Variants in KIF27 observed in about 807,000 individuals in gnomAD.
KIF27 encodes kinesin-like protein KIF27.
In KIF27, 84 loss-of-function variants were observed where a neutral mutation model predicts 141.8. That is an observed-to-expected ratio of 0.59 (90% CI 0.50 to 0.71). The LOEUF (loss-of-function observed/expected upper bound fraction) is 0.71, where lower values mean the gene tolerates loss of function less well. KIF27 is among the 30% of genes least tolerant of loss of function. KIF27 has a pLI of 0.00. For synonymous variants in KIF27, 471 were observed against 569.5 expected, an observed-to-expected ratio of 0.83 and a Z score of 2.46; for missense variants, 1,306 against 1,628.4, an observed-to-expected ratio of 0.80 and a Z score of 3.41.
At chr9:83,837,918 T>G (rs573436304) in intron 17 of KIF27, 1 of 161,308 alleles carries the variant, frequency 6.2e-6, no homozygotes, top group South Asian at 1.8e-4. Context: ...GCATTATATG[T>G]GTGGGAATCT....
chr9:83,862,975 T>C (rs1374357988), intron 13 of KIF27, among the ~76,000 whole-genome samples: 2 of 152,212 alleles, frequency 1.3e-5, no homozygotes, highest in Admixed American at 1.3e-4. Context: ...GGCTCTCTGT[T>C]TGTCTGTTAT....
At chr9:83,904,763 CG>C (rs926978366) in intron 3 of KIF27, among the ~76,000 whole-genome samples, 26 of 151,234 alleles carry the variant, frequency 1.7e-4, no homozygotes, top group Admixed American at 6.6e-4. Flanking sequence ...AAAAGGCATT[CG>C]TTTTTTTTTT....
intron 5 of KIF27, among the ~76,000 whole-genome samples, chr9:83,897,469 G>A (rs1257457728): frequency 6.6e-6 from 1 of 152,118 alleles, no homozygotes; most frequent in Non-Finnish European, 1.5e-5. Context: ...ATCAATTCCT[G>A]GAGGACTATA....
chr9:83,908,261 C>CA (rs769794962), intron 3 of KIF27, among the ~76,000 whole-genome samples, 191 bp downstream of exon 3: 15,828 of 73,886 alleles, frequency 0.21, 1,327 homozygotes, highest in Non-Finnish European at 0.26. Flanking sequence ...AACTCCATCT[C>CA]AAAAAAAAAA....
At chr9:83,902,451 A>G (rs1954018282) in intron 4 of KIF27, among the ~76,000 whole-genome samples, 1 of 152,228 alleles carries the variant, frequency 6.6e-6, no homozygotes, top group Non-Finnish European at 1.5e-5. Flanking sequence ...CAGTTTCTGA[A>G]TGAAAAGTGG....
chr9:83,887,735 C>T lies in KIF27; in HGVS notation c.2084-539G>A, dbSNP rs146292912. 1.2e-3 allele frequency among the ~76,000 whole-genome samples: 179 copies of T among 151,856 alleles called. 3 individuals are homozygous for T. In the East Asian group the frequency reaches 0.029, roughly 25 times the overall value. On this transcript the variant is annotated intron_variant, in intron 8 of 17. Coordinates refer to ENST00000297814, the MANE Select transcript of KIF27 (RefSeq NM_017576.4). The stretch of plus-strand genomic sequence containing the variant: ...AACTAGTGTAAGCTCATTTACATTC[C>T]GACGTAAGTTTTTTTCCTGGTTGCA...
Position 83,889,112 on chromosome 9 carries a change from A to T in KIF27, c.1951T>A (p.Ser651Thr), listed in dbSNP as rs146702826. The change falls in exon 7 of 18, where the codon TCA (serine) becomes ACA (threonine). Residue 651 changes from serine to threonine, a missense_variant. By Grantham distance (58) the Ser-to-Thr change is moderately conservative. This residue lies in a region of KIF27 where 596 missense variants were observed against 751.6 expected (regional missense o/e 0.79). Coordinates refer to ENST00000297814, the MANE Select transcript of KIF27 (RefSeq NM_017576.4). The part of the protein sequence containing the change: ...QFSDNSDDEE[S>T]EGQEKSGTRC... ...GTTCCAGATTTCTCTTGGCCTTCTG[A>T]TTCTTCATCATCACTGTTATCAGAA... The T allele has an allele frequency of 1.2e-6, 2 of 1,613,410 alleles. No homozygotes were observed. Among genetic ancestry groups the T allele is most frequent in the Admixed American group, 1.7e-5 (1 of 59,970 alleles).
At chr9:83,854,115 G>A (rs1948921160) in intron 14 of KIF27, among the ~76,000 whole-genome samples, 2 of 152,128 alleles carry the variant, frequency 1.3e-5, no homozygotes, top group Admixed American at 1.3e-4. Context: ...GAAGTTTAGG[G>A]GAGTTCTGAA....
In KIF27 at chr9:83,899,782, A is replaced by G. The variant is rs1953668536; in HGVS notation, c.1481T>C (p.Val494Ala). 1 of 1,613,034 alleles carries G rather than the reference A, an allele frequency of 6.2e-7. No individual in the cohort carries two copies. Among genetic ancestry groups the G allele is most frequent in the South Asian group, 1.1e-5 (1 of 90,994 alleles). The change falls in exon 5 of 18, where the codon GTA becomes GCA. Residue 494 changes from valine (V) to alanine (A), a missense_variant. This residue lies in a region of KIF27 where 29 missense variants were observed against 60.3 expected (regional missense o/e 0.48). Transcript: ENST00000297814. ...KCQCVLAADE[V>A]VFNQKELEVK... ...CTCCAGTTCCTTCTGATTAAATACT[A>G]CTTCATCAGCAGCAAGCACACACTA...
chr9:83,889,198 G>T lies in KIF27; in HGVS notation c.1865C>A (p.Thr622Lys). 6.2e-7 allele frequency: 1 copy of T among 1,613,778 alleles called. No homozygotes were observed. Among genetic ancestry groups the T allele is most frequent in the African/African-American group, 1.3e-5 (1 of 75,010 alleles). The change falls in exon 7 of 18, where the codon ACA becomes AAA. Residue 622 changes from threonine (T) to lysine (K), a missense_variant. This residue lies in a region of KIF27 where 596 missense variants were observed against 751.6 expected (regional missense o/e 0.79). Transcript: ENST00000297814. ...SLDRIFAGFRTRSQMLLGHIE... is the reference protein window; with the variant it reads ...SLDRIFAGFRKRSQMLLGHIE... ...GTGACCCAACAGCATCTGACTTCGT[G>T]TTCGAAATCCAGCAAATATTCGATC...
rs1945922109 is a variant in KIF27 at position 83,836,973 on chromosome 9, A to G, written c.*28T>C. The stretch of plus-strand genomic sequence containing the variant: ...GTTAGAAAAAGGAATCTTTTTACAT[A>G]TCTACTAAAAGTTCTATTATTCAAT... On this transcript the variant is annotated 3_prime_UTR_variant, in exon 18 of 18. Coordinates refer to ENST00000297814, the MANE Select transcript of KIF27 (RefSeq NM_017576.4). 6.3e-7 allele frequency: 1 copy of G among 1,589,754 alleles called. No individual in the cohort carries two copies. Among genetic ancestry groups the G allele is most frequent in the Non-Finnish European group, 8.5e-7 (1 of 1,172,270 alleles).
rs146535136 is a variant in KIF27, at chr9:83,884,401, C to T, written c.2240-383G>A. On this transcript the variant is annotated intron_variant, in intron 9 of 17. Coordinates refer to ENST00000297814, the MANE Select transcript of KIF27 (RefSeq NM_017576.4). ...CAGCCTCCTGCTACCAATAATCTGT[C>T]TGCTTGAATTCCTTTTTTAAATTAT... 2.6e-5 allele frequency among the ~76,000 whole-genome samples: 4 copies of T among 152,224 alleles called. No individual in the cohort carries two copies. The South Asian group carries it at 8.3e-4, about 32-fold the overall frequency.
chr9:83,907,057 G>A (rs1218331908), intron 3 of KIF27, among the ~76,000 whole-genome samples: 14 of 151,860 alleles, frequency 9.2e-5, no homozygotes, highest in Non-Finnish European at 1.8e-4. Flanking sequence ...TTGGGAGGCC[G>A]AGGTGGGAGG....
intron 2 of KIF27, among the ~76,000 whole-genome samples, chr9:83,912,215 G>C (rs1955240792): frequency 6.6e-6 from 1 of 152,192 alleles, no homozygotes; most frequent in Non-Finnish European, 1.5e-5. Flanking sequence ...TGTATTCCAA[G>C]CAACAAAGAG....
At chr9:83,877,095 A>G (rs1250807365) in intron 11 of KIF27, among the ~76,000 whole-genome samples, 1 of 152,154 alleles carries the variant, frequency 6.6e-6, no homozygotes, top group African/African-American at 2.4e-5. Flanking sequence ...AAAATTGTAC[A>G]TATGTAAGGT....
chr9:83,896,071 AAAAAC>A (rs1257498323), intron 5 of KIF27, among the ~76,000 whole-genome samples: 1,895 of 142,144 alleles, frequency 0.013, 42 homozygotes, highest in African/African-American at 0.033. Flanking sequence ...AAAAAAAAAA[AAAAAC>A]AAAACACACA....
At position 83,883,986 on chromosome 9, in the gene KIF27, A is replaced by G. The variant is rs781303597; in HGVS notation, c.2272T>C (p.Ser758Pro). 6.2e-7 allele frequency: 1 copy of G among 1,612,962 alleles called. No homozygotes were observed. Among genetic ancestry groups the G allele is most frequent in the Non-Finnish European group, 8.5e-7 (1 of 1,179,250 alleles). Residue 758 changes from serine (S) to proline (P), a missense_variant, in exon 10 of 18, where the codon TCT (serine) becomes CCT (proline). Ser to Pro is a moderately conservative substitution (Grantham distance 74). This residue lies in a region of KIF27 where 596 missense variants were observed against 751.6 expected (regional missense o/e 0.79). Transcript: ENST00000297814. Reference protein sequence around the residue: ...NDAKSVSKQYSLKVTKLEHDA... With the variant: ...NDAKSVSKQYPLKVTKLEHDA... ...TGCTCTAGCTTTGTTACTTTCAAAG[A>G]ATACTGCTTGCTTACAGACTTGGCA...
chr9:83,893,396 C>T (rs1952865466), intron 5 of KIF27, among the ~76,000 whole-genome samples: 2 of 152,068 alleles, frequency 1.3e-5, no homozygotes, highest in African/African-American at 4.8e-5. Flanking sequence ...AAACATTTGC[C>T]TTATTCTGAG....
intron 11 of KIF27, among the ~76,000 whole-genome samples, chr9:83,873,028 C>G (rs1360451862): frequency 2.6e-5 from 4 of 152,170 alleles, no homozygotes; most frequent in Non-Finnish European, 1.5e-5. Context: ...CTGTGGGGAA[C>G]TGGCTCCCAA....
Sources: gnomAD v4.1 joint callset for allele counts (sites outside exome capture counted in the v4.1 genomes callset) on GRCh38, gnomAD v4.1.1 for gene constraint, gnomAD v4.1.1 regional missense constraint, MANE v1.5 for transcripts, NCBI Gene and HGNC (gene_info 2026-07-23, HGNC 2026-07-21) for gene names.